Variants in SLC4A5 observed in about 807,000 individuals in gnomAD.
SLC4A5 encodes electrogenic sodium bicarbonate cotransporter 4.
SLC4A5 carries 96 observed loss-of-function variants against 120.4 expected under a neutral mutation model. That is an observed-to-expected ratio of 0.80 (90% confidence interval 0.68 to 0.94). The LOEUF is 0.94. Among genes scored for constraint, SLC4A5 ranks in the 40% least tolerant of loss-of-function variants. The pLI is 0.00. For missense variants in SLC4A5, 1,259 were observed against 1,459.5 expected (o/e 0.86, Z 2.24); for synonymous variants, 550 against 571.1 (o/e 0.96, Z 0.53).
intron 25 of SLC4A5, among the ~76,000 whole-genome samples, chr2:74,228,724 A>G (rs962216797): frequency 1.3e-5 from 2 of 151,870 alleles, no homozygotes; most frequent in Non-Finnish European, 2.9e-5. Flanking sequence ...ATACAAAAGA[A>G]GCAGAACAAA....
chr2:74,239,295 T>A (rs1215104551), intron 21 of SLC4A5, 40 bp downstream of exon 21: 3 of 1,593,026 alleles, frequency 1.9e-6, no homozygotes, highest in South Asian at 1.1e-5. Context: ...TCAGCAGCTG[T>A]CTGACTGCAG....
intron 5 of SLC4A5, among the ~76,000 whole-genome samples, chr2:74,323,203 G>C (rs1673137458): frequency 6.6e-6 from 1 of 152,096 alleles, no homozygotes; most frequent in Non-Finnish European, 1.5e-5. Context: ...TTGTGCCACT[G>C]CATTCCACCT....
At chr2:74,283,919 C>T (rs1671894284) in intron 8 of SLC4A5, among the ~76,000 whole-genome samples, 1 of 151,118 alleles carries the variant, frequency 6.6e-6, no homozygotes, top group Non-Finnish European at 1.5e-5. Flanking sequence ...CTCACTGCAG[C>T]CTCAACTTCC....
At chr2:74,288,756 T>C (rs754526918) in intron 7 of SLC4A5, among the ~76,000 whole-genome samples, 12 of 152,310 alleles carry the variant, frequency 7.9e-5, no homozygotes, top group South Asian at 4.1e-4. Context: ...CAACTGACAA[T>C]TGGACTGCTC....
intron 7 of SLC4A5, 145 bp from the exon 8 acceptor site, chr2:74,286,047 G>A (rs1293133486): frequency 2.2e-6 from 2 of 901,948 alleles, no homozygotes; most frequent in East Asian, 6.5e-5. Context: ...GGGTGATGCT[G>A]GCCTCCTGTA....
intron 8 of SLC4A5, among the ~76,000 whole-genome samples, chr2:74,284,168 T>C (rs1296751493): frequency 3.1e-5 from 2 of 65,326 alleles, no homozygotes; most frequent in Non-Finnish European, 4.7e-5. Flanking sequence ...ATTTCTTTTT[T>C]TTTTTTTTTT....
At chr2:74,284,730 T>C (rs1000110285) in intron 8 of SLC4A5, among the ~76,000 whole-genome samples, 9 of 152,110 alleles carry the variant, frequency 5.9e-5, no homozygotes, top group African/African-American at 1.9e-4. Context: ...TCACAGGCAC[T>C]GGGGATATGA....
intron 17 of SLC4A5, 93 bp from the exon 18 acceptor site, chr2:74,248,579 G>A (rs1032902012): frequency 7.6e-6 from 11 of 1,453,388 alleles, no homozygotes; most frequent in Admixed American, 2.1e-5. Flanking sequence ...ACGGGCCCAG[G>A]CCACAGTGTT....
chr2:74,321,503 G>T (rs1673096830), intron 5 of SLC4A5, among the ~76,000 whole-genome samples: 1 of 152,114 alleles, frequency 6.6e-6, no homozygotes, highest in Admixed American at 6.5e-5. Context: ...TATATGTTCA[G>T]CACAATATTT....
chr2:74,218,406 TTAAAA>T (rs1336833973), exon 31 of SLC4A5: 1 of 152,252 alleles, frequency 6.6e-6, no homozygotes, highest in African/African-American at 2.4e-5. Flanking sequence ...GAACTGCATT[TTAAAA>T]TAAAATATAA....
intron 3 of SLC4A5, among the ~76,000 whole-genome samples, chr2:74,334,819 A>G (rs1673443958): frequency 1.3e-5 from 2 of 152,184 alleles, no homozygotes; most frequent in South Asian, 4.1e-4. Context: ...AATCAATGTG[A>G]AACCTTAGGT....
At chr2:74,247,823 A>T (rs536419999) in intron 18 of SLC4A5, among the ~76,000 whole-genome samples, 42 of 152,096 alleles carry the variant, frequency 2.8e-4, no homozygotes, top group African/African-American at 9.9e-4. Context: ...CCAAAAAAAA[A>T]TTTTTTTTAA....
At chr2:74,339,117 C>CA (rs879739052) in intron 2 of SLC4A5, 5 of 152,074 alleles carry the variant, frequency 3.3e-5, no homozygotes, top group Non-Finnish European at 5.9e-5. Flanking sequence ...GAATAAAGGA[C>CA]TGATTTTAAA....
intron 8 of SLC4A5, among the ~76,000 whole-genome samples, chr2:74,276,106 T>G (rs1471535381): frequency 6.6e-6 from 1 of 151,626 alleles, no homozygotes; most frequent in Admixed American, 6.6e-5. Context: ...TAAAGCATTG[T>G]AAAGAAGGAG....
chr2:74,290,684 A>T, intron 7 of SLC4A5: 1 of 984,368 alleles, frequency 1.0e-6, no homozygotes. Flanking sequence ...TGAGAGGGTG[A>T]GAGAGAAATC....
chr2:74,336,767 T>C (rs768262430), intron 3 of SLC4A5, among the ~76,000 whole-genome samples: 21 of 152,160 alleles, frequency 1.4e-4, no homozygotes, highest in Non-Finnish European at 1.8e-4. Context: ...ACATCTTGTA[T>C]AAGATATTTT....
intron 18 of SLC4A5, 34 bp from the exon 19 acceptor site, chr2:74,247,341 C>G: frequency 6.3e-7 from 1 of 1,593,980 alleles, no homozygotes; most frequent in South Asian, 1.1e-5. Context: ...GGGCCTCCAG[C>G]CCAGGGCTCC....
At position 74,294,829 on chromosome 2, in the gene SLC4A5, G is replaced by A. The variant is rs575859145; in HGVS notation, c.272-8927C>T. The stretch of plus-strand genomic sequence containing the variant: ...TGGGATTACAGGTGTCTGCCACCAC[G>A]CCCGGCTAATTTTTATATTTTTAGT... On this transcript the variant is annotated intron_variant, in intron 7 of 30. Coordinates refer to ENST00000394019, the Ensembl canonical transcript of SLC4A5. Among the ~76,000 whole-genome samples the A allele has an allele frequency of 4.6e-5, 7 of 152,048 alleles. No individual in the cohort carries two copies. In the East Asian group the frequency reaches 1.4e-3, roughly 29 times the overall value.
chr2:74,325,116 T>G (rs1421444475), intron 5 of SLC4A5, among the ~76,000 whole-genome samples: 1 of 152,188 alleles, frequency 6.6e-6, no homozygotes, highest in Non-Finnish European at 1.5e-5. Context: ...CAATCACAAG[T>G]GCCTGACTAA....
Sources: allele counts gnomAD v4.1 joint callset (sites outside exome capture counted in the v4.1 genomes callset), GRCh38; gene constraint gnomAD v4.1.1; transcripts MANE v1.5; gene names NCBI Gene and HGNC (gene_info 2026-07-23, HGNC 2026-07-21).